The following BLTP1 variants were observed in gnomAD, a reference collection of about 807,000 sequenced individuals.
The protein encoded by BLTP1 is fragile site-associated protein.
the BLTP1 span, chr4:122,280,065 G>A: frequency 6.3e-7 from 1 of 1,593,194 alleles, no homozygotes; most frequent in South Asian, 1.1e-5. Flanking sequence ...AGTTTGGAGG[G>A]AGATGAAGGG....
At chr4:122,245,015 C>T in the BLTP1 span, 3 of 1,603,448 alleles carry the variant, frequency 1.9e-6, no homozygotes, top group Admixed American at 1.7e-5. Context: ...GTTTTTTCCC[C>T]TCAGATATAT....
the BLTP1 span, chr4:122,235,102 A>T: frequency 8.4e-7 from 1 of 1,196,598 alleles, no homozygotes; most frequent in Non-Finnish European, 1.2e-6. Context: ...TTCAGTGTTA[A>T]CTCTGTTCAA....
the BLTP1 span, chr4:122,207,573 A>G: frequency 6.2e-7 from 1 of 1,605,782 alleles, no homozygotes; most frequent in East Asian, 2.2e-5. Context: ...AACACTAAAC[A>G]TTGATTTTTC....
At chr4:122,278,270 CAG>C in the BLTP1 span, among the ~76,000 whole-genome samples, 2 of 152,130 alleles carry the variant, frequency 1.3e-5, no homozygotes. Flanking sequence ...CGCTAATGAA[CAG>C]AGGGGTCCCA....
the BLTP1 span, among the ~76,000 whole-genome samples, chr4:122,228,700 TTGTG>T: frequency 0.064 from 9,723 of 151,262 alleles, 868 homozygotes; most frequent in African/African-American, 0.2. Flanking sequence ...CTTAGTGAAT[TTGTG>T]TGTGTGTGTG....
At chr4:122,231,126 A>G in the BLTP1 span, among the ~76,000 whole-genome samples, 1 of 152,188 alleles carries the variant, frequency 6.6e-6, no homozygotes, top group African/African-American at 2.4e-5. Context: ...ATTTTTGCAC[A>G]TAAAATATTT....
At chr4:122,152,932 A>G in the BLTP1 span, 1 of 936,966 alleles carries the variant, frequency 1.1e-6, no homozygotes, top group Non-Finnish European at 1.3e-6. Context: ...TGCCAGCTGC[A>G]CTGGGTTGTA....
the BLTP1 span, chr4:122,316,624 A>G: frequency 2.1e-6 from 3 of 1,403,306 alleles, no homozygotes; most frequent in East Asian, 7.2e-5. Context: ...CTTAATATAG[A>G]TGGTTTTGAT....
the BLTP1 span, chr4:122,235,659 G>C: frequency 5.9e-6 from 1 of 168,216 alleles, no homozygotes; most frequent in African/African-American, 2.4e-5. Context: ...CAAAAAATTA[G>C]CCGGGCGTGG....
chr4:122,215,842 C>T, the BLTP1 span, among the ~76,000 whole-genome samples: 2 of 151,796 alleles, frequency 1.3e-5, no homozygotes, highest in Admixed American at 6.6e-5. Flanking sequence ...TCACCCCCCC[C>T]ATCCTTCCTC....
chr4:122,201,547 C>T, the BLTP1 span, among the ~76,000 whole-genome samples: 1 of 152,124 alleles, frequency 6.6e-6, no homozygotes, highest in Non-Finnish European at 1.5e-5. Flanking sequence ...CTTATTTAAT[C>T]TTTTCTGTTG....
At chr4:122,277,894 G>T in the BLTP1 span, among the ~76,000 whole-genome samples, 3 of 152,136 alleles carry the variant, frequency 2.0e-5, no homozygotes, top group Admixed American at 2.0e-4. Context: ...TTCTGAATGG[G>T]GGTAAAATAA....
chr4:122,309,128 A>C, the BLTP1 span: 1 of 1,216,284 alleles, frequency 8.2e-7, no homozygotes, highest in African/African-American at 1.5e-5. Context: ...TTTAAAAGGC[A>C]TCTTTCTAAG....
chr4:122,356,659 A>G, the BLTP1 span: 1 of 1,613,886 alleles, frequency 6.2e-7, no homozygotes, highest in Non-Finnish European at 8.5e-7. Flanking sequence ...TAGTGTGGTG[A>G]CAGAGTTCAC....
the BLTP1 span, among the ~76,000 whole-genome samples, chr4:122,178,440 G>T: frequency 6.6e-6 from 1 of 152,180 alleles, no homozygotes; most frequent in Non-Finnish European, 1.5e-5. Flanking sequence ...TAAACAAACG[G>T]TGACTGTATA....
chr4:122,246,623 A>G, the BLTP1 span: 2 of 1,565,478 alleles, frequency 1.3e-6, no homozygotes, highest in South Asian at 1.2e-5. Context: ...TTTTGTGCAT[A>G]TTTTATGTTT....
the BLTP1 span, chr4:122,186,127 G>T: frequency 1.2e-6 from 2 of 1,612,518 alleles, no homozygotes; most frequent in Non-Finnish European, 1.7e-6. Flanking sequence ...GCCTTCAAGA[G>T]TTGTTTGGTT....
the BLTP1 span, chr4:122,313,003 T>A: frequency 2.4e-6 from 1 of 417,032 alleles, no homozygotes; most frequent in Non-Finnish European, 3.2e-6. Context: ...TTGTTGAATT[T>A]AATTAACATC....
the BLTP1 span, among the ~76,000 whole-genome samples, chr4:122,265,528 A>T: frequency 6.6e-6 from 1 of 152,190 alleles, no homozygotes; most frequent in African/African-American, 2.4e-5. Flanking sequence ...CGGTTAGCAG[A>T]TGGAGCAAAA....
Sources: gnomAD v4.1 joint callset for allele counts (sites outside exome capture counted in the v4.1 genomes callset) on GRCh38, gnomAD v4.1.1 for gene constraint, MANE v1.5 for transcripts, NCBI Gene and HGNC (gene_info 2026-07-23, HGNC 2026-07-21) for gene names.